Variants in ROBO1 observed in about 807,000 individuals in gnomAD.
The protein encoded by ROBO1 is roundabout guidance receptor 1.
Under a neutral mutation model 195.9 loss-of-function variants are expected in ROBO1, and 149 were observed. That is an observed-to-expected ratio of 0.76 (90% CI 0.67 to 0.87). The LOEUF is 0.87. Ranked by LOEUF, ROBO1 falls within the 40% of genes least tolerant of loss-of-function variation. The pLI is 0.00. For missense variants in ROBO1, 1,933 were observed against 2,068.3 expected (o/e 0.93, Z 1.27); for synonymous variants, 816 against 733.2 (o/e 1.11, Z -1.82).
At chr3:78,698,102 C>T (rs1376063264) in intron 8 of ROBO1, among the ~76,000 whole-genome samples, 3 of 152,230 alleles carry the variant, frequency 2.0e-5, no homozygotes, top group African/African-American at 7.2e-5. Flanking sequence ...ACATCTGATA[C>T]ACTAGAATTG....
rs529151399 is a variant in ROBO1 at position 79,538,797 on chromosome 3, T to A, written c.88+51027A>T. ...TTGCATCTCTTAAATGCCTAAACCT[T>A]ATTAATAATGATTCCTTTTAGAGTT... is the stretch of plus-strand genomic sequence containing the variant. On this transcript the variant is annotated intron_variant, in intron 2 of 30. Transcript: ENST00000464233. Among the ~76,000 whole-genome samples, 3 of 152,210 alleles carry A rather than the reference T, an allele frequency of 2.0e-5. No individual in the cohort carries two copies. The East Asian group carries it at 5.8e-4, about 29-fold the overall frequency.
intron 4 of ROBO1, among the ~76,000 whole-genome samples, chr3:78,846,034 G>A (rs1225823840): frequency 1.3e-5 from 2 of 151,972 alleles, no homozygotes; most frequent in Non-Finnish European, 2.9e-5. Context: ...ATAGAAATTA[G>A]CCCCAAAGAT....
At chr3:79,156,234 C>G (rs1022690548) in intron 2 of ROBO1, among the ~76,000 whole-genome samples, 1 of 151,216 alleles carries the variant, frequency 6.6e-6, no homozygotes, top group African/African-American at 2.4e-5. Flanking sequence ...ATCCAATGCA[C>G]GGTGTACCTA....
chr3:79,434,041 C>T (rs2107061015), intron 2 of ROBO1, among the ~76,000 whole-genome samples: 1 of 152,308 alleles, frequency 6.6e-6, no homozygotes, highest in Admixed American at 6.5e-5. Context: ...GGATCCCTTC[C>T]TTACACCTTA....
chr3:79,626,619 T>C (rs1945188868), intron 1 of ROBO1, among the ~76,000 whole-genome samples: 1 of 152,162 alleles, frequency 6.6e-6, no homozygotes, highest in African/African-American at 2.4e-5. Context: ...TCATCACTCC[T>C]ATTCAACATA....
intron 3 of ROBO1, among the ~76,000 whole-genome samples, chr3:79,082,757 GCT>G (rs2079297241): frequency 6.6e-6 from 1 of 152,052 alleles, no homozygotes; most frequent in South Asian, 2.1e-4. Context: ...ATGCCTCTTG[GCT>G]CACTGTGTAC....
chr3:78,943,201 G>C (rs377731567), intron 3 of ROBO1, among the ~76,000 whole-genome samples: 55 of 152,284 alleles, frequency 3.6e-4, no homozygotes, highest in African/African-American at 1.2e-3. Flanking sequence ...GGGCGACAGA[G>C]AGAGACTCAG....
chr3:78,842,615 G>T (rs551719990), intron 4 of ROBO1, among the ~76,000 whole-genome samples: 3 of 146,720 alleles, frequency 2.0e-5, no homozygotes, highest in Admixed American at 6.9e-5. Flanking sequence ...TTTATATATG[G>T]CACCTAAGCA....
intron 2 of ROBO1, among the ~76,000 whole-genome samples, chr3:79,171,707 A>AG (rs1455553318): frequency 9.9e-5 from 15 of 152,186 alleles, no homozygotes; most frequent in Admixed American, 9.8e-4. Flanking sequence ...TTGTTACATA[A>AG]AAAAAATCAA....
chr3:79,077,663 G>A (rs2079197593), intron 3 of ROBO1, among the ~76,000 whole-genome samples: 2 of 151,796 alleles, frequency 1.3e-5, no homozygotes, highest in African/African-American at 4.8e-5. Context: ...GAATGCAAAT[G>A]TTTCTTAAAT....
chr3:78,923,020 C>A (rs1207290744), intron 4 of ROBO1, among the ~76,000 whole-genome samples: 2 of 152,074 alleles, frequency 1.3e-5, no homozygotes, highest in African/African-American at 2.4e-5. Context: ...CTGGATAATG[C>A]CTATCTCTGA....
At chr3:78,943,352 C>A (rs2040245791) in intron 3 of ROBO1, among the ~76,000 whole-genome samples, 2 of 152,204 alleles carry the variant, frequency 1.3e-5, no homozygotes, top group South Asian at 4.1e-4. Context: ...GCTGAGAGTT[C>A]ACTCTGTCCC....
rs2030296130 is a variant in ROBO1 at position 79,269,299 on chromosome 3, C to G, written c.89-143760G>C. 2.0e-5 allele frequency among the ~76,000 whole-genome samples: 3 copies of G among 151,666 alleles called. No homozygotes were observed. The South Asian group carries it at 6.2e-4, about 31-fold the overall frequency. On this transcript the variant is annotated intron_variant, in intron 2 of 30. Transcript: ENST00000464233. ...CAGCGCCATATTCATTTTAGTATTT[C>G]AAGTATTTAGCACAGTGACTTTCTC...
intron 1 of ROBO1, among the ~76,000 whole-genome samples, chr3:79,599,482 T>C (rs954129363): frequency 5.3e-5 from 8 of 152,002 alleles, no homozygotes; most frequent in Admixed American, 1.3e-4. Flanking sequence ...AAAAAGCAGC[T>C]ATGTATAAAA....
chr3:78,620,017 CAAA>C (rs11314248), intron 26 of ROBO1, among the ~76,000 whole-genome samples: 4,814 of 107,782 alleles, frequency 0.045, 125 homozygotes, highest in African/African-American at 0.091. Context: ...GACTCTGTCT[CAAA>C]AAAAAAAAAA....
At chr3:79,533,697 A>G (rs144051144) in intron 2 of ROBO1, among the ~76,000 whole-genome samples, 1 of 152,298 alleles carries the variant, frequency 6.6e-6, no homozygotes, top group Non-Finnish European at 1.5e-5. Flanking sequence ...CTCTGCCCCT[A>G]ATCATTAATA....
intron 2 of ROBO1, among the ~76,000 whole-genome samples, chr3:79,171,761 A>G (rs2081170717): frequency 6.6e-6 from 1 of 152,134 alleles, no homozygotes; most frequent in Non-Finnish European, 1.5e-5. Flanking sequence ...TAGGGTGGTT[A>G]TGGATACAAA....
chr3:78,640,858 TA>T (rs1705901965), intron 21 of ROBO1, among the ~76,000 whole-genome samples: 1 of 152,188 alleles, frequency 6.6e-6, no homozygotes, highest in African/African-American at 2.4e-5. Flanking sequence ...TTTTCTATGT[TA>T]AAATGCAATA....
At chr3:79,494,866 C>T (rs1291608091) in intron 2 of ROBO1, among the ~76,000 whole-genome samples, 1 of 152,150 alleles carries the variant, frequency 6.6e-6, no homozygotes, top group East Asian at 1.9e-4. Context: ...ATTCTCAAGA[C>T]TAATTTATCC....
Sources: allele counts gnomAD v4.1 joint callset (sites outside exome capture counted in the v4.1 genomes callset), GRCh38; gene constraint gnomAD v4.1.1; transcripts MANE v1.5; gene names NCBI Gene and HGNC (gene_info 2026-07-23, HGNC 2026-07-21).